Variants in ZC3H12B observed in about 807,000 individuals in gnomAD.
ZC3H12B encodes the protein probable ribonuclease ZC3H12B.
ZC3H12B carries 7 observed loss-of-function variants against 43.9 expected under a neutral mutation model. The observed-to-expected ratio is 0.16, with a 90% CI of 0.09 to 0.30. The LOEUF (loss-of-function observed/expected upper bound fraction) is 0.30. ZC3H12B is among the 10% of genes least tolerant of loss of function. The probability of loss-of-function intolerance (pLI) is 1.00; values close to 1 mark genes in which losing one functional copy is unlikely to be tolerated. For synonymous variants in ZC3H12B, 222 were observed against 241.7 expected, an observed-to-expected ratio of 0.92 and a Z score of 0.76; for missense variants, 475 against 670.2, an observed-to-expected ratio of 0.71 and a Z score of 3.22.
the ZC3H12B span, among the ~76,000 whole-genome samples, chrX:65,218,020 T>C: frequency 8.9e-6 from 1 of 112,023 alleles, no homozygotes; most frequent in East Asian, 2.8e-4. Flanking sequence ...TTCAATGTAA[T>C]AATCAAGCTC....
At chrX:65,278,507 A>G in the ZC3H12B span, among the ~76,000 whole-genome samples, 1 of 111,943 alleles carries the variant, frequency 8.9e-6, no homozygotes, top group Non-Finnish European at 1.9e-5. Context: ...GCCATTTTTT[A>G]TTCCTTTACT....
chrX:65,189,965 G>A, the ZC3H12B span, among the ~76,000 whole-genome samples: 5 of 109,326 alleles, frequency 4.6e-5, no homozygotes, highest in South Asian at 3.8e-4. Context: ...ATCTTGAATT[G>A]ATTTTTGTAT....
chrX:65,322,648 C>T, the ZC3H12B span, among the ~76,000 whole-genome samples: 2 of 111,578 alleles, frequency 1.8e-5, no homozygotes, highest in African/African-American at 6.5e-5. Context: ...ACTGTATTTT[C>T]GTCGTAGATT....
chrX:65,096,299 C>T, the ZC3H12B span, among the ~76,000 whole-genome samples: 1 of 110,952 alleles, frequency 9.0e-6, no homozygotes, highest in Non-Finnish European at 1.9e-5. Context: ...GTTAATGATG[C>T]AGCTAACCAC....
the ZC3H12B span, among the ~76,000 whole-genome samples, chrX:65,145,182 G>T: frequency 9.1e-6 from 1 of 109,563 alleles, no homozygotes; most frequent in East Asian, 2.8e-4. Context: ...GATTAGGATT[G>T]TGGTATTTTC....
At chrX:65,296,058 A>G in the ZC3H12B span, among the ~76,000 whole-genome samples, 1 of 112,213 alleles carries the variant, frequency 8.9e-6, no homozygotes, top group East Asian at 2.8e-4. Context: ...ATACCTGCAC[A>G]TGCATGATTA....
At chrX:65,280,130 C>A in the ZC3H12B span, among the ~76,000 whole-genome samples, 1 of 112,014 alleles carries the variant, frequency 8.9e-6, no homozygotes, top group Non-Finnish European at 1.9e-5. Flanking sequence ...ATACCCCTGA[C>A]AAATATACAC....
At chrX:65,120,311 C>G in the ZC3H12B span, among the ~76,000 whole-genome samples, 1 of 111,746 alleles carries the variant, frequency 8.9e-6, no homozygotes, top group African/African-American at 3.3e-5. Context: ...TTTGTATCCT[C>G]TTTTATTTCA....
the ZC3H12B span, among the ~76,000 whole-genome samples, chrX:65,345,835 A>G: frequency 1.8e-5 from 2 of 112,313 alleles, no homozygotes; most frequent in South Asian, 7.3e-4. Context: ...AACAGTGCTC[A>G]AGTGAGAGCC....
chrX:65,464,390 A>G (rs1165720951), intron 3 of ZC3H12B, among the ~76,000 whole-genome samples: 2 of 111,190 alleles, frequency 1.8e-5, no homozygotes, highest in Non-Finnish European at 3.8e-5. Context: ...TGTCTAAATT[A>G]TATAATTGGT....
chrX:65,316,650 T>C, the ZC3H12B span, among the ~76,000 whole-genome samples: 383 of 111,549 alleles, frequency 3.4e-3, 3 homozygotes, highest in African/African-American at 0.012. Flanking sequence ...TTGAGAGTGC[T>C]AAACATGGAA....
the ZC3H12B span, among the ~76,000 whole-genome samples, chrX:65,161,411 G>A: frequency 4.5e-5 from 5 of 111,392 alleles, no homozygotes; most frequent in East Asian, 2.8e-4. Context: ...CTCTTTGTAG[G>A]TCACTCAGGA....
chrX:65,128,652 G>A, the ZC3H12B span, among the ~76,000 whole-genome samples: 1 of 111,913 alleles, frequency 8.9e-6, no homozygotes, highest in Non-Finnish European at 1.9e-5. Flanking sequence ...GTTTGTTGAA[G>A]TCTCCAACTA....
chrX:65,356,394 C>A, the ZC3H12B span, among the ~76,000 whole-genome samples: 1 of 111,683 alleles, frequency 9.0e-6, no homozygotes, highest in Non-Finnish European at 1.9e-5. Flanking sequence ...CTGTCTTTTT[C>A]CTAAGCACAC....
chrX:65,143,013 A>T, the ZC3H12B span, among the ~76,000 whole-genome samples: 2 of 105,950 alleles, frequency 1.9e-5, no homozygotes, highest in South Asian at 3.9e-4. Flanking sequence ...AAATTTTAGA[A>T]TTTTTTTTTT....
At chrX:65,189,398 T>A in the ZC3H12B span, among the ~76,000 whole-genome samples, 4 of 90,303 alleles carry the variant, frequency 4.4e-5, no homozygotes, top group Non-Finnish European at 8.4e-5. Flanking sequence ...GTTGAACTAG[T>A]TTACAGTCCC....
At chrX:65,036,706 AT>A in the ZC3H12B span, among the ~76,000 whole-genome samples, 5 of 107,270 alleles carry the variant, frequency 4.7e-5, no homozygotes, top group Admixed American at 2.0e-4. Context: ...TCCAAAGGTA[AT>A]TTTTTTTTTG....
At chrX:65,232,201 A>C in the ZC3H12B span, among the ~76,000 whole-genome samples, 4 of 111,366 alleles carry the variant, frequency 3.6e-5, no homozygotes, top group Non-Finnish European at 7.5e-5. Flanking sequence ...AGATCGCACC[A>C]CTGCACTCCA....
chrX:65,451,700 T>G, intron 3 of ZC3H12B, among the ~76,000 whole-genome samples: 1 of 111,983 alleles, frequency 8.9e-6, no homozygotes, highest in Middle Eastern at 4.2e-3. Flanking sequence ...ATGGGATGTC[T>G]TTGTAAATGG....
Sources: allele counts gnomAD v4.1 joint callset (sites outside exome capture counted in the v4.1 genomes callset), GRCh38; gene constraint gnomAD v4.1.1; transcripts MANE v1.5; gene names NCBI Gene and HGNC (gene_info 2026-07-23, HGNC 2026-07-21).